DNAH17: variants seen among roughly 807,000 people sequenced by gnomAD.
DNAH17 encodes the protein axonemal beta dynein heavy chain 17.
Under a neutral mutation model 485.6 loss-of-function variants are expected in DNAH17, and 376 were observed. That is an observed-to-expected ratio of 0.77 (90% CI 0.71 to 0.84). The LOEUF (loss-of-function observed/expected upper bound fraction) is 0.84. Ranked by LOEUF, DNAH17 falls within the 40% of genes least tolerant of loss-of-function variation. DNAH17 has a pLI of 0.00. For missense variants in DNAH17, 6,370 were observed against 5,839.3 expected (o/e 1.09, Z -2.96); for synonymous variants, 3,031 against 2,405.9 (o/e 1.26, Z -7.60).
At chr17:78,563,383 T>C (rs558931719) in intron 11 of DNAH17, among the ~76,000 whole-genome samples, 21 of 151,806 alleles carry the variant, frequency 1.4e-4, no homozygotes, top group African/African-American at 4.6e-4. Context: ...GTTCAAAGCA[T>C]TGACATGGGG....
intron 14 of DNAH17, among the ~76,000 whole-genome samples, chr17:78,556,760 C>T (rs1255937170): frequency 6.6e-6 from 1 of 152,144 alleles, no homozygotes; most frequent in South Asian, 2.1e-4. Flanking sequence ...AACCCGAATG[C>T]CCATCAACAG....
rs61745476 is a variant in DNAH17, at chr17:78,505,393, C to T, written c.4856G>A (p.Arg1619Gln). The T allele has an allele frequency of 4.1e-4, 663 of 1,613,970 alleles. 2 individuals are homozygous for T. In the African/African-American group the frequency reaches 7.1e-3, roughly 17 times the overall value. ...LFDSLCKLKF[R>Q]LDASDKPLKV... ...GAGAGGTTTGTCACTGGCATCGAGC[C>T]GGAACTTCAGTTTACACAGGCTATC... The change falls in exon 31 of 81, where the codon CGG becomes CAG. Residue 1619 changes from arginine to glutamine, a missense_variant. Coordinates refer to ENST00000389840, the MANE Select transcript of DNAH17 (RefSeq NM_173628.4).
intron 26 of DNAH17, among the ~76,000 whole-genome samples, chr17:78,512,574 CCCCT>C (rs747406885): frequency 1.8e-4 from 15 of 81,206 alleles, no homozygotes; most frequent in Non-Finnish European, 4.1e-4. Flanking sequence ...CTCTGTCCTC[CCCCT>C]ATTTGCCTAC....
intron 17 of DNAH17, among the ~76,000 whole-genome samples, chr17:78,543,501 AG>A (rs5822241): frequency 0.03 from 4,539 of 151,724 alleles, 141 homozygotes; most frequent in East Asian, 0.11. Flanking sequence ...CTTGTTAGCC[AG>A]GATGGTCTCG....
chr17:78,568,336 G>GC (rs1208717087), intron 9 of DNAH17, among the ~76,000 whole-genome samples: 1 of 151,938 alleles, frequency 6.6e-6, no homozygotes, highest in Non-Finnish European at 1.5e-5. Context: ...TCCCTCCCCT[G>GC]CCCCCCAGGA....
rs2088012383 is a variant in DNAH17 at position 78,459,941 on chromosome 17, CGGT to C, written c.9493_9495del (p.Thr3165del). ...GGTGCGGTCAGAATCATGACGGCGGCGGTGACGTTGACCACAGCATCCGGCGGG... is the reference window on the plus strand; with the variant it reads ...GGTGCGGTCAGAATCATGACGGCGGCGACGTTGACCACAGCATCCGGCGGG... On this transcript the variant is annotated inframe_deletion, in exon 60 of 81. Coordinates refer to ENST00000389840, the MANE Select transcript of DNAH17 (RefSeq NM_173628.4). 1 of 1,613,618 alleles carries C rather than the reference CGGT, an allele frequency of 6.2e-7. No homozygotes were observed. The highest frequency in any genetic ancestry group is 8.5e-7 in the Non-Finnish European group (1 of 1,179,890).
rs1439755234 is a variant in DNAH17, at chr17:78,427,019, G to A, written c.12678C>T (p.Pro4226=). ...ATTCTTGAAAGGCGACTACCACGTAGGGGGTCTTTTCCGCTGCCTTTGCCA... is the reference window on the plus strand; with the variant it reads ...ATTCTTGAAAGGCGACTACCACGTAAGGGGTCTTTTCCGCTGCCTTTGCCA... ...EIMAKAAEKT[P]YVVVAFQECE... is the part of the protein sequence containing the mutation. Residue 4226 remains proline (P), a synonymous_variant, in exon 78 of 81, where the codon CCC becomes CCT. Transcript: ENST00000389840. 3.1e-6 allele frequency: 5 copies of A among 1,608,128 alleles called. No individual in the cohort carries two copies. Among genetic ancestry groups the A allele is most frequent in the East Asian group, 4.5e-5 (2 of 44,714 alleles).
At chr17:78,542,867 A>G (rs1482395741) in intron 17 of DNAH17, among the ~76,000 whole-genome samples, 1 of 152,258 alleles carries the variant, frequency 6.6e-6, no homozygotes, top group Non-Finnish European at 1.5e-5. Flanking sequence ...ACCCACACTC[A>G]TGGATGGGAA....
At chr17:78,458,228 G>T (rs557010943) in intron 62 of DNAH17, among the ~76,000 whole-genome samples, 2 of 152,358 alleles carry the variant, frequency 1.3e-5, no homozygotes, top group South Asian at 4.1e-4. Context: ...TGTAATCCGT[G>T]AAATGACTGT....
intron 47 of DNAH17, 59 bp from the exon 48 acceptor site, chr17:78,485,092 T>G (rs2089539361): frequency 5.3e-6 from 8 of 1,520,622 alleles, no homozygotes; most frequent in African/African-American, 1.4e-5. Context: ...GCCTGTTAGG[T>G]AGGGAGGGGC....
intron 14 of DNAH17, among the ~76,000 whole-genome samples, chr17:78,554,303 G>A (rs1238014387): frequency 6.6e-6 from 1 of 151,804 alleles, no homozygotes; most frequent in Admixed American, 6.6e-5. Flanking sequence ...AGCCCGGTGT[G>A]GTGGTGTGCA....
chr17:78,477,869 C>G (rs1056264746), intron 51 of DNAH17, among the ~76,000 whole-genome samples: 19 of 151,996 alleles, frequency 1.3e-4, no homozygotes, highest in African/African-American at 4.6e-4. Context: ...ATATTATTAC[C>G]ATCACCACCA....
chr17:78,546,647 C>G (rs965789780), intron 16 of DNAH17, among the ~76,000 whole-genome samples: 2 of 152,108 alleles, frequency 1.3e-5, no homozygotes, highest in Non-Finnish European at 2.9e-5. Context: ...GATTCATGCC[C>G]GTAATCTCAG....
At chr17:78,571,828 G>T in intron 3 of DNAH17, 46 bp from the exon 4 acceptor site, 3 of 1,520,438 alleles carry the variant, frequency 2.0e-6, no homozygotes, top group African/African-American at 1.4e-5. Context: ...CGACACACAC[G>T]TGGGTCCCAC....
In DNAH17 at chr17:78,492,713, G is replaced by T; in HGVS notation, c.6461C>A (p.Ala2154Asp). The T allele has an allele frequency of 6.2e-7, 1 of 1,613,128 alleles. No individual in the cohort carries two copies. The highest frequency in any genetic ancestry group is 8.5e-7 in the Non-Finnish European group (1 of 1,179,578). ...TYQNLKRKPV[A>D]VDLDPKAVTC... ...GACGGCCTTGGGGTCCAGGTCCACGGCGACCGGCTTCCTCTTCAGGTTCTG... is the reference window on the plus strand; with the variant it reads ...GACGGCCTTGGGGTCCAGGTCCACGTCGACCGGCTTCCTCTTCAGGTTCTG... Residue 2154 changes from alanine (A) to aspartate (D), a missense_variant, in exon 42 of 81, where the codon GCC (alanine) becomes GAC (aspartate). Transcript: ENST00000389840.
At chr17:78,469,116 G>A (rs575538967) in intron 54 of DNAH17, among the ~76,000 whole-genome samples, 15 of 151,032 alleles carry the variant, frequency 9.9e-5, no homozygotes, top group Admixed American at 4.6e-4. Context: ...GGCACACGCC[G>A]CCATGGGGCC....
At chr17:78,573,410 C>A (rs2092387829) in intron 2 of DNAH17, among the ~76,000 whole-genome samples, 1 of 151,948 alleles carries the variant, frequency 6.6e-6, no homozygotes, top group Non-Finnish European at 1.5e-5. Flanking sequence ...ACCAGCCTGG[C>A]CAACATGGTG....
intron 18 of DNAH17, 67 bp downstream of exon 18, chr17:78,539,670 G>C: frequency 3.0e-6 from 4 of 1,325,152 alleles, no homozygotes; most frequent in Non-Finnish European, 4.0e-6. Context: ...CAAGAAACTA[G>C]AAACTATAGA....
rs141907813 is a variant in DNAH17, at chr17:78,448,359, A to T, written c.11211+1055T>A. ...ACTAAAAAATAAATAAATAAATAAA[A>T]AATTAAAAAACTGAAGAATTAGCCT... On this transcript the variant is annotated intron_variant, in intron 69 of 80. Transcript: ENST00000389840. 6.4e-4 allele frequency among the ~76,000 whole-genome samples: 97 copies of T among 151,992 alleles called. 1 individual carries two copies. The highest frequency in any genetic ancestry group is 1.1e-3 in the Non-Finnish European group (74 of 67,960).
Sources: allele counts gnomAD v4.1 joint callset (sites outside exome capture counted in the v4.1 genomes callset), GRCh38; gene constraint gnomAD v4.1.1; transcripts MANE v1.5; gene names NCBI Gene and HGNC (gene_info 2026-07-23, HGNC 2026-07-21).